KCNK9: variants seen among roughly 807,000 people sequenced by gnomAD.
KCNK9 encodes potassium two pore domain channel subfamily K member 9, also known as potassium channel subfamily K member 9.
KCNK9 carries 1 observed loss-of-function variant against 10.8 expected under a neutral mutation model. The ratio of observed to expected loss-of-function variants is 0.09; its 90% confidence interval spans 0.03 to 0.44. The LOEUF (loss-of-function observed/expected upper bound fraction) is 0.44, where lower values mean the gene tolerates loss of function less well. Among genes scored for constraint, KCNK9 ranks in the 20% least tolerant of loss-of-function variants. KCNK9 has a pLI of 0.97. For synonymous variants in KCNK9, 231 were observed against 222.7 expected, an observed-to-expected ratio of 1.04 and a Z score of -0.33; for missense variants, 303 against 515.0, an observed-to-expected ratio of 0.59 and a Z score of 3.98.
chr8:139,604,772 C>T (rs1817450482), intron 2 of KCNK9, among the ~76,000 whole-genome samples: 1 of 152,178 alleles, frequency 6.6e-6, no homozygotes, highest in African/African-American at 2.4e-5. Flanking sequence ...CCTGGGTAGG[C>T]CCTGGGGGAT....
downstream of KCNK9, among the ~76,000 whole-genome samples, chr8:139,609,412 G>T (rs1240074424): frequency 6.6e-6 from 1 of 152,242 alleles, no homozygotes; most frequent in African/African-American, 2.4e-5. Flanking sequence ...CTCAGAAGGG[G>T]GTAGGGGGAC....
chr8:139,621,466 G>C (rs548563192), intron 1 of KCNK9, among the ~76,000 whole-genome samples: 2 of 152,166 alleles, frequency 1.3e-5, no homozygotes, highest in East Asian at 3.9e-4. Flanking sequence ...ACATACAGGG[G>C]AACAATAATA....
intron 1 of KCNK9, among the ~76,000 whole-genome samples, chr8:139,631,708 A>T (rs1815179275): frequency 6.6e-6 from 1 of 152,208 alleles, no homozygotes; most frequent in Admixed American, 6.5e-5. Flanking sequence ...AATTTAAAAA[A>T]CAAAGTACAG....
intron 1 of KCNK9, among the ~76,000 whole-genome samples, chr8:139,656,949 T>A (rs1816038316): frequency 6.6e-6 from 1 of 152,152 alleles, no homozygotes; most frequent in Non-Finnish European, 1.5e-5. Flanking sequence ...CCCTCCCCAG[T>A]GCAGCCTCAC....
chr8:139,655,997 A>G (rs1816010804), intron 1 of KCNK9, among the ~76,000 whole-genome samples: 1 of 152,200 alleles, frequency 6.6e-6, no homozygotes, highest in Admixed American at 6.5e-5. Context: ...TAAATCAGAC[A>G]GAGGCTAGAG....
intron 1 of KCNK9, among the ~76,000 whole-genome samples, chr8:139,633,372 A>G (rs1308405963): frequency 2.0e-5 from 3 of 152,136 alleles, no homozygotes; most frequent in African/African-American, 4.8e-5. Flanking sequence ...TGCCTGGCAC[A>G]TAGTCACTCA....
chr8:139,689,254 A>T (rs1231372879), intron 1 of KCNK9, among the ~76,000 whole-genome samples: 1 of 152,234 alleles, frequency 6.6e-6, no homozygotes, highest in Non-Finnish European at 1.5e-5. Context: ...TGGCAGCCCC[A>T]GCAAACTGAA....
chr8:139,613,823 C>A (rs1814501809), downstream of KCNK9, among the ~76,000 whole-genome samples: 1 of 152,206 alleles, frequency 6.6e-6, no homozygotes, highest in South Asian at 2.1e-4. Flanking sequence ...CCACTTTAGA[C>A]CCACAGGCAG....
At chr8:139,638,924 C>T (rs1815416661) in intron 1 of KCNK9, among the ~76,000 whole-genome samples, 2 of 152,176 alleles carry the variant, frequency 1.3e-5, no homozygotes, top group Non-Finnish European at 2.9e-5. Context: ...CCCTTTCTCC[C>T]ATTCACCAGT....
intron 1 of KCNK9, among the ~76,000 whole-genome samples, chr8:139,659,485 T>C (rs907133090): frequency 6.6e-6 from 1 of 152,048 alleles, no homozygotes; most frequent in African/African-American, 2.4e-5. Context: ...TACCCCTGTA[T>C]TGGTGTGGAA....
intron 1 of KCNK9, among the ~76,000 whole-genome samples, chr8:139,690,689 T>G (rs1260224908): frequency 6.6e-6 from 1 of 152,126 alleles, no homozygotes; most frequent in Admixed American, 6.5e-5. Flanking sequence ...TGTCTGGGAC[T>G]GCACCCTGGA....
At chr8:139,625,910 G>A (rs1022875053) in intron 1 of KCNK9, among the ~76,000 whole-genome samples, 1 of 152,174 alleles carries the variant, frequency 6.6e-6, no homozygotes, top group Non-Finnish European at 1.5e-5. Flanking sequence ...TTTCCCAGAA[G>A]TCATGGCAGC....
At chr8:139,638,329 C>T (rs1815398552) in intron 1 of KCNK9, among the ~76,000 whole-genome samples, 2 of 152,144 alleles carry the variant, frequency 1.3e-5, no homozygotes, top group Admixed American at 1.3e-4. Flanking sequence ...ATTACCAAGC[C>T]TATGTCAATC....
intron 2 of KCNK9, among the ~76,000 whole-genome samples, chr8:139,607,417 G>A (rs991061890): frequency 6.6e-6 from 1 of 152,160 alleles, no homozygotes; most frequent in African/African-American, 2.4e-5. Context: ...CGGCTGAATC[G>A]GCAGCCCGAG....
intron 1 of KCNK9, among the ~76,000 whole-genome samples, chr8:139,627,105 T>C (rs1336668843): frequency 6.6e-6 from 1 of 152,240 alleles, no homozygotes; most frequent in Non-Finnish European, 1.5e-5. Flanking sequence ...CTGCTTACTA[T>C]GACCTTGGGC....
intron 1 of KCNK9, among the ~76,000 whole-genome samples, chr8:139,700,856 C>T (rs1404385647): frequency 6.6e-6 from 1 of 152,188 alleles, no homozygotes; most frequent in Non-Finnish European, 1.5e-5. Flanking sequence ...AAAACTGGCA[C>T]ATTTCAGAGT....
At chr8:139,651,081 G>A (rs982677028) in intron 1 of KCNK9, among the ~76,000 whole-genome samples, 7 of 152,144 alleles carry the variant, frequency 4.6e-5, no homozygotes, top group Non-Finnish European at 7.3e-5. Flanking sequence ...CAGGGTGGAT[G>A]TGGAAGAGTA....
chr8:139,618,497 C>G lies in KCNK9; in HGVS notation c.886G>C (p.Val296Leu). The G allele has an allele frequency of 6.2e-7, 1 of 1,613,824 alleles. No individual in the cohort carries two copies. The highest frequency in any genetic ancestry group is 8.5e-7 in the Non-Finnish European group (1 of 1,180,016). The change falls in exon 2 of 2, where the codon GTG becomes CTG. Residue 296 changes from valine to leucine, a missense_variant. Physicochemically the swap from Val to Leu is conservative, Grantham distance 32 (BLOSUM62 1). Transcript: ENST00000520439. The surrounding 1 kb of genome is among the most constrained non-coding windows in gnomAD (Gnocchi z 7.9). ...GAGCGGTAGCAGGTGCAGGAGCACA[C>G]AGACTGCAGGTCCGGGACGTCCGCC... Reference protein sequence around the residue: ...YKADVPDLQSVCSCTCYRSQD... With the variant: ...YKADVPDLQSLCSCTCYRSQD...
intron 1 of KCNK9, among the ~76,000 whole-genome samples, chr8:139,688,034 G>A (rs749636437): frequency 6.6e-6 from 1 of 152,096 alleles, no homozygotes; most frequent in Non-Finnish European, 1.5e-5. Flanking sequence ...GTGTGTGTGT[G>A]TGTTTAAATT....
Sources: gnomAD v4.1 joint callset for allele counts (sites outside exome capture counted in the v4.1 genomes callset) on GRCh38, gnomAD v4.1.1 for gene constraint, Gnocchi (gnomAD v3.1) non-coding constraint, MANE v1.5 for transcripts, NCBI Gene and HGNC (gene_info 2026-07-23, HGNC 2026-07-21) for gene names.